Variants in SNTG1 observed in about 807,000 individuals in gnomAD.
SNTG1 encodes syntrophin gamma 1.
SNTG1 carries 39 observed loss-of-function variants against 74.7 expected under a neutral mutation model. The ratio of observed to expected loss-of-function variants is 0.52; its 90% CI spans 0.40 to 0.68. The LOEUF (loss-of-function observed/expected upper bound fraction) is 0.68. Among genes scored for constraint, SNTG1 ranks in the 30% least tolerant of loss-of-function variants. The pLI is 0.00. For synonymous variants in SNTG1, 254 were observed against 217.1 expected (o/e 1.17, Z -1.49); for missense variants, 685 against 609.5 (o/e 1.12, Z -1.30).
chr8:50,572,791 C>T (rs1425384857), intron 12 of SNTG1, among the ~76,000 whole-genome samples: 1 of 152,028 alleles, frequency 6.6e-6, no homozygotes, highest in Non-Finnish European at 1.5e-5. Flanking sequence ...GAATTTATTT[C>T]TATAGAATAA....
intron 2 of SNTG1, among the ~76,000 whole-genome samples, chr8:50,180,101 T>C (rs1448562754): frequency 6.6e-6 from 1 of 152,182 alleles, no homozygotes; most frequent in Non-Finnish European, 1.5e-5. Flanking sequence ...TATTCAGTCT[T>C]AAAAAAGGAC....
chr8:50,265,861 AC>A (rs1206317876), intron 2 of SNTG1, among the ~76,000 whole-genome samples: 2 of 152,084 alleles, frequency 1.3e-5, no homozygotes, highest in African/African-American at 2.4e-5. Context: ...AAAATGAAAT[AC>A]TTTGGAATAA....
intron 1 of SNTG1, among the ~76,000 whole-genome samples, chr8:49,962,891 CAA>C (rs1810822379): frequency 6.6e-6 from 1 of 152,186 alleles, no homozygotes; most frequent in African/African-American, 2.4e-5. Flanking sequence ...CTGCGCCCAA[CAA>C]AGAGTGGTTC....
At chr8:50,638,762 A>G (rs1318737469) in intron 13 of SNTG1, among the ~76,000 whole-genome samples, 1 of 152,084 alleles carries the variant, frequency 6.6e-6, no homozygotes, top group African/African-American at 2.4e-5. Context: ...AGTTTGCCCC[A>G]TAAGTCACTA....
intron 15 of SNTG1, among the ~76,000 whole-genome samples, chr8:50,682,342 T>C (rs868866974): frequency 1.3e-5 from 2 of 149,872 alleles, no homozygotes; most frequent in Non-Finnish European, 3.0e-5. Context: ...GGTAGTTTGG[T>C]GGGAAGGGCA....
At chr8:50,172,829 G>T (rs1448156024) in intron 2 of SNTG1, among the ~76,000 whole-genome samples, 194 bp downstream of exon 2, 2 of 150,800 alleles carry the variant, frequency 1.3e-5, no homozygotes, top group East Asian at 3.9e-4. Context: ...TATTCAGAAC[G>T]TATCTCCATG....
chr8:49,979,669 T>C (rs984351550), intron 1 of SNTG1, among the ~76,000 whole-genome samples: 1 of 152,148 alleles, frequency 6.6e-6, no homozygotes, highest in African/African-American at 2.4e-5. Context: ...AAAAGGCCTG[T>C]CTCTGCAGAC....
At chr8:50,784,571 A>T (rs1036368130) in intron 18 of SNTG1, among the ~76,000 whole-genome samples, 1 of 152,170 alleles carries the variant, frequency 6.6e-6, no homozygotes, top group African/African-American at 2.4e-5. Flanking sequence ...AGAAAATGGA[A>T]GGTACCACCA....
intron 4 of SNTG1, among the ~76,000 whole-genome samples, chr8:50,437,212 G>T (rs1007479167): frequency 2.0e-5 from 3 of 151,988 alleles, no homozygotes; most frequent in African/African-American, 7.3e-5. Context: ...CTACTCATTT[G>T]CATTCAATAG....
intron 1 of SNTG1, among the ~76,000 whole-genome samples, chr8:50,114,257 C>A (rs1049417489): frequency 1.2e-4 from 18 of 152,144 alleles, no homozygotes; most frequent in South Asian, 4.1e-4. Flanking sequence ...AAAATAAATA[C>A]TTAAAACCAG....
chr8:50,711,373 C>T (rs1405999414), intron 17 of SNTG1, among the ~76,000 whole-genome samples: 2 of 152,110 alleles, frequency 1.3e-5, no homozygotes, highest in Admixed American at 1.3e-4. Context: ...TGTCCTTCTG[C>T]ACTTCATCTT....
At chr8:50,067,631 C>T (rs1451009017) in intron 1 of SNTG1, among the ~76,000 whole-genome samples, 1 of 152,124 alleles carries the variant, frequency 6.6e-6, no homozygotes, top group African/African-American at 2.4e-5. Flanking sequence ...AGTTATGACT[C>T]ATGTATTATT....
chr8:50,458,314 A>G (rs951010369), intron 8 of SNTG1: 1 of 152,194 alleles, frequency 6.6e-6, no homozygotes, highest in African/African-American at 2.4e-5. Context: ...TAATGCTACC[A>G]TTATATATAA....
At chr8:50,211,667 A>G (rs1270791853) in intron 2 of SNTG1, among the ~76,000 whole-genome samples, 1 of 152,178 alleles carries the variant, frequency 6.6e-6, no homozygotes, top group Non-Finnish European at 1.5e-5. Context: ...GAACTGAGCC[A>G]TAAGATTCCA....
At chr8:50,213,814 A>G (rs1018004189) in intron 2 of SNTG1, among the ~76,000 whole-genome samples, 4 of 151,634 alleles carry the variant, frequency 2.6e-5, no homozygotes, top group Non-Finnish European at 5.9e-5. Context: ...AGTTCATTGT[A>G]GATTCTGGAT....
chr8:50,470,726 G>T (rs889732131), intron 8 of SNTG1, among the ~76,000 whole-genome samples: 5 of 152,164 alleles, frequency 3.3e-5, no homozygotes, highest in Non-Finnish European at 7.3e-5. Flanking sequence ...CCTTCGCTGT[G>T]AGTGTTACAG....
chr8:50,501,453 T>TTTG, intron 8 of SNTG1, among the ~76,000 whole-genome samples: 1 of 119,544 alleles, frequency 8.4e-6, no homozygotes, highest in Non-Finnish European at 1.6e-5. Flanking sequence ...TTTTTTTTTT[T>TTTG]TCACGGAGTT....
intron 2 of SNTG1, among the ~76,000 whole-genome samples, chr8:50,304,295 G>C (rs1378576048): frequency 3.3e-5 from 5 of 152,096 alleles, no homozygotes; most frequent in African/African-American, 1.2e-4. Flanking sequence ...CTCTGACCTT[G>C]GACTTCCCAG....
intron 8 of SNTG1, among the ~76,000 whole-genome samples, chr8:50,480,418 G>A (rs1196627829): frequency 6.6e-6 from 1 of 152,132 alleles, no homozygotes; most frequent in Non-Finnish European, 1.5e-5. Flanking sequence ...ATATGTGTAA[G>A]GCCACTGTAA....
Sources: allele counts gnomAD v4.1 joint callset (sites outside exome capture counted in the v4.1 genomes callset), GRCh38; gene constraint gnomAD v4.1.1; transcripts MANE v1.5; gene names NCBI Gene and HGNC (gene_info 2026-07-23, HGNC 2026-07-21).